The following EIF4H variants were observed in gnomAD, a reference collection of about 807,000 sequenced individuals.
EIF4H encodes Williams-Beuren syndrome chromosome region 1.
In EIF4H, 8 loss-of-function variants were observed where a neutral mutation model predicts 30.6. That is an observed-to-expected ratio of 0.26 (90% CI 0.15 to 0.47). The LOEUF is 0.47. Among genes scored for constraint, EIF4H ranks in the 20% least tolerant of loss-of-function variants. The probability of loss-of-function intolerance (pLI) is 0.99; values close to 1 mark genes in which losing one functional copy is unlikely to be tolerated. For missense variants in EIF4H, 188 were observed against 339.5 expected, an observed-to-expected ratio of 0.55 and a Z score of 3.51; for synonymous variants, 106 against 122.7, an observed-to-expected ratio of 0.86 and a Z score of 0.90.
intron 5 of EIF4H, among the ~76,000 whole-genome samples, chr7:74,192,139 A>T (rs567490542): frequency 6.6e-6 from 1 of 152,156 alleles, no homozygotes; most frequent in South Asian, 2.1e-4. Flanking sequence ...GGTGTGAGCT[A>T]TTTGTTTCAC....
chr7:74,178,933 A>G (rs1454143980), intron 1 of EIF4H, among the ~76,000 whole-genome samples: 7 of 152,214 alleles, frequency 4.6e-5, no homozygotes, highest in African/African-American at 1.7e-4. Flanking sequence ...TCCACGGTTG[A>G]TGAGTCTCTG....
intron 5 of EIF4H, among the ~76,000 whole-genome samples, chr7:74,193,490 A>G (rs191338372): frequency 6.6e-6 from 1 of 152,290 alleles, no homozygotes; most frequent in Admixed American, 6.5e-5. Flanking sequence ...CTCAAAGACA[A>G]GCTCCCTGAA....
At chr7:74,185,376 T>C (rs1801059605) in intron 1 of EIF4H, among the ~76,000 whole-genome samples, 1 of 152,206 alleles carries the variant, frequency 6.6e-6, no homozygotes, top group African/African-American at 2.4e-5. Flanking sequence ...TTCGGAGATA[T>C]CAGCGATAGA....
chr7:74,192,991 T>G (rs1801259242), intron 5 of EIF4H, among the ~76,000 whole-genome samples: 1 of 152,152 alleles, frequency 6.6e-6, no homozygotes, highest in Non-Finnish European at 1.5e-5. Context: ...GTGACCTTGA[T>G]TTTAAAGACG....
At position 74,196,832 on chromosome 7, in the gene EIF4H, GTA is replaced by G. The variant is rs1326732784; in HGVS notation, c.*1525_*1526del. On this transcript the variant is annotated 3_prime_UTR_variant, in exon 7 of 7. Coordinates refer to ENST00000265753, the MANE Select transcript of EIF4H (RefSeq NM_022170.2). ...TGCTTCTGAGATAAGAACCATTTGTGTAACACCAACACTTAACTTCAGAAAGA... is the reference window on the plus strand; with the variant it reads ...TGCTTCTGAGATAAGAACCATTTGTGACACCAACACTTAACTTCAGAAAGA... The G allele has an allele frequency of 2.0e-5, 3 of 152,240 alleles. No individual in the cohort carries two copies. Among genetic ancestry groups the G allele is most frequent in the Admixed American group, 1.3e-4 (2 of 15,252 alleles). The allele number at this position is 152,240 out of a possible 1,614,324, so 9.4% of individuals were successfully genotyped here.
At chr7:74,183,768 A>G (rs899970429) in intron 1 of EIF4H, 1 of 152,130 alleles carries the variant, frequency 6.6e-6, no homozygotes, top group African/African-American at 2.4e-5. Context: ...ATGTCATCCT[A>G]TGTGATGTGT....
At chr7:74,180,115 T>C (rs1330001605) in intron 1 of EIF4H, among the ~76,000 whole-genome samples, 2 of 152,114 alleles carry the variant, frequency 1.3e-5, no homozygotes, top group Non-Finnish European at 2.9e-5. Flanking sequence ...GAGGATCACT[T>C]GAGTCCTGGA....
intron 1 of EIF4H, among the ~76,000 whole-genome samples, chr7:74,182,957 C>T (rs1490926810): frequency 6.6e-6 from 1 of 152,190 alleles, no homozygotes; most frequent in African/African-American, 2.4e-5. Context: ...AAACTGTTCT[C>T]ATTGCTATCT....
intron 5 of EIF4H, among the ~76,000 whole-genome samples, chr7:74,192,308 G>A (rs1226180137): frequency 6.6e-6 from 1 of 152,144 alleles, no homozygotes; most frequent in African/African-American, 2.4e-5. Context: ...TGTGTAATGT[G>A]GGTAAAATAC....
intron 1 of EIF4H, among the ~76,000 whole-genome samples, chr7:74,184,517 C>G (rs1432502396): frequency 6.6e-6 from 1 of 152,072 alleles, no homozygotes; most frequent in African/African-American, 2.4e-5. Flanking sequence ...CTGTGAGCTG[C>G]TTACATACAA....
chr7:74,178,908 C>A (rs142967369), intron 1 of EIF4H, among the ~76,000 whole-genome samples: 6 of 152,228 alleles, frequency 3.9e-5, no homozygotes, highest in Non-Finnish European at 8.8e-5. Context: ...TGAAGGAGCT[C>A]AAGTATGTGG....
In EIF4H at chr7:74,194,738, C is replaced by T; in HGVS notation, c.470-3C>T. 1 of 1,572,986 alleles carries T rather than the reference C, an allele frequency of 6.4e-7. No individual in the cohort carries two copies. The highest frequency in any genetic ancestry group is 8.7e-7 in the Non-Finnish European group (1 of 1,151,788). On this transcript the variant is annotated splice_polypyrimidine_tract_variant and splice_region_variant and intron_variant, in intron 5 of 6. Coordinates refer to ENST00000265753, the MANE Select transcript of EIF4H (RefSeq NM_022170.2). ...GTAATTCAGTGTCCTGTTTCTTCCT[C>T]AGGCTTCAGGGATGACTTCTTAGGG...
intron 2 of EIF4H, among the ~76,000 whole-genome samples, chr7:74,188,451 C>G (rs1801137090): frequency 6.6e-6 from 1 of 152,130 alleles, no homozygotes; most frequent in Middle Eastern, 3.2e-3. Context: ...CCGCATAATC[C>G]ACCCAAAAGC....
intron 1 of EIF4H, among the ~76,000 whole-genome samples, 170 bp downstream of exon 1, chr7:74,174,612 G>A (rs1554707377): frequency 6.6e-6 from 1 of 152,054 alleles, no homozygotes; most frequent in Non-Finnish European, 1.5e-5. Flanking sequence ...GCTCGGAGAC[G>A]GGGCGGCGGC....
At position 74,186,788 on chromosome 7, in the gene EIF4H, ATTTTTT is replaced by A. The variant is rs564794579; in HGVS notation, c.60-776_60-771del. 3.7e-4 allele frequency among the ~76,000 whole-genome samples: 26 copies of A among 70,086 alleles called. 10 individuals carry two copies. Among genetic ancestry groups the A allele is most frequent in the East Asian group, 8.9e-4 (2 of 2,236 alleles). 46.0% of individuals were successfully genotyped at this position (70,086 alleles called of 152,430 possible). A position where few individuals can be genotyped will look rare whatever the true frequency, so the allele number is the denominator to read the frequency against. On this transcript the variant is annotated intron_variant, in intron 1 of 6. Coordinates refer to ENST00000265753, the MANE Select transcript of EIF4H (RefSeq NM_022170.2). ...GCCCATAATCAGGCAACAAGGAGAA[ATTTTTT>A]TTTTTTTTTTTTTTTTTTTTTTTTT...
intron 1 of EIF4H, among the ~76,000 whole-genome samples, chr7:74,178,462 T>C (rs1800888152): frequency 6.6e-6 from 1 of 151,484 alleles, no homozygotes; most frequent in African/African-American, 2.4e-5. Flanking sequence ...GAGAATTGCT[T>C]GAACCAGGGA....
chr7:74,186,957 T>TA (rs1435495921), intron 1 of EIF4H, among the ~76,000 whole-genome samples: 17 of 151,996 alleles, frequency 1.1e-4, no homozygotes, highest in Non-Finnish European at 2.4e-4. Flanking sequence ...ATGAATGTGT[T>TA]AAACGTAAAC....
chr7:74,190,089 C>A, intron 4 of EIF4H, 158 bp from the exon 5 acceptor site: 1 of 1,114,322 alleles, frequency 9.0e-7, no homozygotes, highest in Non-Finnish European at 1.3e-6. Flanking sequence ...CTTCTGCAAG[C>A]CTGGCGTTTT....
In EIF4H at chr7:74,195,456, T is replaced by C. The variant is rs1554710606; in HGVS notation, c.*148T>C. The C allele has an allele frequency of 7.9e-6, 7 of 886,212 alleles. No homozygotes were observed. The highest frequency in any genetic ancestry group is 1.2e-5 in the Non-Finnish European group (7 of 590,278). 54.9% of individuals were successfully genotyped at this position (886,212 alleles called of 1,614,324 possible). A position where few individuals can be genotyped will look rare whatever the true frequency, so the allele number is the denominator to read the frequency against. ...ACACAGCTTGTGAGTGCATGTCAGCTGTTAACAAGTGGTTTTTAGTACATT... is the reference window on the plus strand; with the variant it reads ...ACACAGCTTGTGAGTGCATGTCAGCCGTTAACAAGTGGTTTTTAGTACATT... On this transcript the variant is annotated 3_prime_UTR_variant, in exon 7 of 7. Coordinates refer to ENST00000265753, the MANE Select transcript of EIF4H (RefSeq NM_022170.2).
Sources: gnomAD v4.1 joint callset for allele counts (sites outside exome capture counted in the v4.1 genomes callset) on GRCh38, gnomAD v4.1.1 for gene constraint, MANE v1.5 for transcripts, NCBI Gene and HGNC (gene_info 2026-07-23, HGNC 2026-07-21) for gene names.